The following ROBO2 variants were observed in gnomAD, a reference collection of about 807,000 sequenced individuals.
The protein encoded by ROBO2 is roundabout homolog 2.
Under a neutral mutation model 160.8 loss-of-function variants are expected in ROBO2, and 53 were observed. The ratio of observed to expected loss-of-function variants is 0.33; its 90% CI spans 0.26 to 0.41. The LOEUF (loss-of-function observed/expected upper bound fraction) is 0.41, where lower values mean the gene tolerates loss of function less well. Ranked by LOEUF, ROBO2 falls within the 10% of genes least tolerant of loss-of-function variation. The pLI, the probability that ROBO2 is intolerant of heterozygous loss-of-function variation, is 1.00. For synonymous variants in ROBO2, 664 were observed against 611.7 expected (o/e 1.09, Z -1.26); for missense variants, 1,577 against 1,722.4 (o/e 0.92, Z 1.49).
chr3:77,611,952 T>G (rs962241414), intron 21 of ROBO2, among the ~76,000 whole-genome samples: 3 of 152,250 alleles, frequency 2.0e-5, no homozygotes, highest in Non-Finnish European at 4.4e-5. Flanking sequence ...TCTTTGCTAC[T>G]GCAGTTAGAG....
chr3:76,038,454 G>C (rs1203804460), intron 2 of ROBO2, among the ~76,000 whole-genome samples: 4 of 151,974 alleles, frequency 2.6e-5, no homozygotes, highest in African/African-American at 9.7e-5. Context: ...GATGGGTGCT[G>C]TGATTACTGC....
chr3:76,918,965 CTTT>C (rs80159352), intron 2 of ROBO2, among the ~76,000 whole-genome samples: 1 of 147,296 alleles, frequency 6.8e-6, no homozygotes. Flanking sequence ...ACATGTATGT[CTTT>C]TTTTTTTTTA....
intron 2 of ROBO2, among the ~76,000 whole-genome samples, chr3:75,964,721 C>T (rs775224312): frequency 4.0e-5 from 6 of 151,554 alleles, no homozygotes; most frequent in Non-Finnish European, 7.4e-5. Context: ...GTAAGTTACA[C>T]GAGTTTCAAT....
intron 2 of ROBO2, among the ~76,000 whole-genome samples, chr3:76,756,100 T>A (rs2108302881): frequency 6.6e-6 from 1 of 152,028 alleles, no homozygotes; most frequent in Non-Finnish European, 1.5e-5. Flanking sequence ...TTAGGCTTTA[T>A]ATTATAAAAA....
intron 2 of ROBO2, among the ~76,000 whole-genome samples, chr3:77,331,592 T>C (rs1300319563): frequency 6.6e-6 from 1 of 152,222 alleles, no homozygotes; most frequent in Admixed American, 6.5e-5. Context: ...ATCTGATATC[T>C]GAATTTTCTT....
Position 76,099,370 on chromosome 3 carries a change from G to A in ROBO2, c.109+161768G>A, listed in dbSNP as rs572803842. Among the ~76,000 whole-genome samples the A allele has an allele frequency of 4.7e-5, 7 of 149,494 alleles. 1 individual carries two copies. The South Asian group carries it at 1.1e-3, about 23-fold the overall frequency. On this transcript the variant is annotated intron_variant, in intron 2 of 26. Transcript: ENST00000487694. ...CTTCTAAGCACCCATTATGTTTTAA[G>A]TGAAGAGCATAGATCTGCATTTTGT...
At chr3:76,317,502 T>A (rs995449336) in intron 2 of ROBO2, among the ~76,000 whole-genome samples, 1 of 152,170 alleles carries the variant, frequency 6.6e-6, no homozygotes, top group Admixed American at 6.5e-5. Context: ...ATTTATAATG[T>A]GAGATTGGGA....
At chr3:76,588,404 T>G (rs1329257507) in intron 2 of ROBO2, among the ~76,000 whole-genome samples, 1 of 152,208 alleles carries the variant, frequency 6.6e-6, no homozygotes, top group Non-Finnish European at 1.5e-5. Context: ...AATGTTCACA[T>G]TAGTATACTT....
intron 2 of ROBO2, among the ~76,000 whole-genome samples, chr3:76,342,616 G>A (rs1210987677): frequency 6.6e-6 from 1 of 152,054 alleles, no homozygotes; most frequent in Non-Finnish European, 1.5e-5. Context: ...TGTTCAACCT[G>A]TATATATCCT....
At chr3:76,857,737 CAT>C (rs1269109276) in intron 2 of ROBO2, among the ~76,000 whole-genome samples, 2 of 152,176 alleles carry the variant, frequency 1.3e-5, no homozygotes, top group Non-Finnish European at 2.9e-5. Flanking sequence ...CTAAGACACT[CAT>C]ATGATCATGC....
chr3:76,480,319 A>C (rs2079142880), intron 2 of ROBO2, among the ~76,000 whole-genome samples: 1 of 152,084 alleles, frequency 6.6e-6, no homozygotes, highest in Admixed American at 6.6e-5. Flanking sequence ...TGAATTTTGA[A>C]AACTGGCCCT....
chr3:77,427,747 A>T (rs916550042), intron 2 of ROBO2, among the ~76,000 whole-genome samples: 3 of 152,190 alleles, frequency 2.0e-5, no homozygotes, highest in African/African-American at 7.2e-5. Context: ...ATCTCACCTG[A>T]ATCATTTAGT....
At chr3:77,281,295 C>A (rs925345964) in intron 2 of ROBO2, among the ~76,000 whole-genome samples, 3 of 151,280 alleles carry the variant, frequency 2.0e-5, no homozygotes, top group Non-Finnish European at 4.4e-5. Flanking sequence ...TATTTCCTGA[C>A]CAATTTTCAA....
chr3:76,242,101 T>C (rs1705322191), intron 2 of ROBO2, among the ~76,000 whole-genome samples: 1 of 152,212 alleles, frequency 6.6e-6, no homozygotes, highest in Non-Finnish European at 1.5e-5. Flanking sequence ...GACATTCCTT[T>C]TTCCCCCTTT....
chr3:77,291,846 T>G (rs1340426856), intron 2 of ROBO2, among the ~76,000 whole-genome samples: 2 of 151,756 alleles, frequency 1.3e-5, no homozygotes, highest in African/African-American at 4.8e-5. Context: ...ACGGGTAAGC[T>G]GAGGCTAGAT....
intron 2 of ROBO2, among the ~76,000 whole-genome samples, chr3:76,742,919 T>A (rs1407954370): frequency 6.6e-6 from 1 of 150,630 alleles, no homozygotes; most frequent in Admixed American, 6.7e-5. Flanking sequence ...ACTAATTAAA[T>A]AAAATCAGCT....
intron 2 of ROBO2, among the ~76,000 whole-genome samples, chr3:76,633,512 G>A (rs565219068): frequency 6.6e-6 from 1 of 152,274 alleles, no homozygotes; most frequent in African/African-American, 2.4e-5. Flanking sequence ...AGACACGAAG[G>A]AGAAAGAAGA....
At chr3:77,044,584 A>C (rs1396541801) in intron 1 of ROBO2, among the ~76,000 whole-genome samples, 1 of 152,070 alleles carries the variant, frequency 6.6e-6, no homozygotes, top group Admixed American at 6.6e-5. Context: ...GAATTAGAGA[A>C]ACACTTGAAG....
At chr3:76,030,912 T>C (rs537166415) in intron 2 of ROBO2, among the ~76,000 whole-genome samples, 29 of 152,298 alleles carry the variant, frequency 1.9e-4, no homozygotes, top group African/African-American at 6.5e-4. Context: ...AGAAAGTCAT[T>C]GGTAGCTTGA....
Sources: gnomAD v4.1 joint callset for allele counts (sites outside exome capture counted in the v4.1 genomes callset) on GRCh38, gnomAD v4.1.1 for gene constraint, MANE v1.5 for transcripts, NCBI Gene and HGNC (gene_info 2026-07-23, HGNC 2026-07-21) for gene names.